The following ARHGEF3 variants were observed in gnomAD, a reference collection of about 807,000 sequenced individuals.
The protein encoded by ARHGEF3 is Rho guanine nucleotide exchange factor 3, also known as 59.8 kDA protein.
In ARHGEF3, 28 loss-of-function variants were observed where a neutral mutation model predicts 63.2. That is an observed-to-expected ratio of 0.44 (90% CI 0.33 to 0.61). ARHGEF3 has a LOEUF of 0.61. Among genes scored for constraint, ARHGEF3 ranks in the 20% least tolerant of loss-of-function variants. ARHGEF3 has a pLI of 0.03. For missense variants in ARHGEF3, 533 were observed against 659.3 expected (o/e 0.81, Z 2.10); for synonymous variants, 266 against 254.2 (o/e 1.05, Z -0.44).
At chr3:56,781,044 T>C (rs950217435) in intron 1 of ARHGEF3, among the ~76,000 whole-genome samples, 11 of 152,152 alleles carry the variant, frequency 7.2e-5, no homozygotes, top group Non-Finnish European at 1.6e-4. Context: ...TAATCACTGG[T>C]GTCCTTATAA....
intron 4 of ARHGEF3, among the ~76,000 whole-genome samples, chr3:56,827,881 G>A (rs1341318444): frequency 7.3e-6 from 1 of 137,404 alleles, no homozygotes; most frequent in East Asian, 2.1e-4. Flanking sequence ...GGAGGTCAAG[G>A]CTGCACTGAG....
chr3:56,995,619 CCGAGAGAG>C (rs1560116415), intron 2 of ARHGEF3, among the ~76,000 whole-genome samples: 1 of 57,416 alleles, frequency 1.7e-5, no homozygotes, highest in Non-Finnish European at 3.1e-5. Context: ...AGTAAATTTT[CCGAGAGAG>C]AGAGAGAGAG....
At chr3:56,767,804 T>C (rs2107816961) in intron 2 of ARHGEF3, among the ~76,000 whole-genome samples, 1 of 151,946 alleles carries the variant, frequency 6.6e-6, no homozygotes, top group Non-Finnish European at 1.5e-5. Flanking sequence ...TGGAGTGCAG[T>C]GGCATGATCT....
intron 2 of ARHGEF3, among the ~76,000 whole-genome samples, chr3:56,767,337 C>T (rs997640134): frequency 1.3e-5 from 2 of 151,776 alleles, no homozygotes; most frequent in African/African-American, 4.8e-5. Flanking sequence ...AATCCCAGCA[C>T]TTTGGGAGGC....
Position 57,067,052 on chromosome 3 carries a change from T to C in ARHGEF3, c.-28+12174A>G, listed in dbSNP as rs969857602. Among the ~76,000 whole-genome samples, 4 of 152,346 alleles carry C rather than the reference T, an allele frequency of 2.6e-5. 1 individual carries two copies. The highest frequency in any genetic ancestry group is 2.4e-5 in the African/African-American group (1 of 41,576). ...ACACCCAAAATAAGTGATTTTCCAATAGAAATTGTCTGTAAGGACCTGTAC... is the reference window on the plus strand; with the variant it reads ...ACACCCAAAATAAGTGATTTTCCAACAGAAATTGTCTGTAAGGACCTGTAC... On this transcript the variant is annotated intron_variant, in intron 1 of 12. Coordinates refer to the ARHGEF3 transcript ENST00000338458.
chr3:56,968,268 TAATATATAAAA>T (rs1700735205), intron 2 of ARHGEF3, among the ~76,000 whole-genome samples: 5 of 38,272 alleles, frequency 1.3e-4, no homozygotes, highest in Admixed American at 5.5e-4. Context: ...TTTAAATATA[TAATATATAAAA>T]TATATATAAT....
intron 4 of ARHGEF3, among the ~76,000 whole-genome samples, chr3:56,821,909 A>C (rs886177804): frequency 1.3e-5 from 2 of 151,754 alleles, no homozygotes; most frequent in Non-Finnish European, 2.9e-5. Flanking sequence ...GGTTGCAGTA[A>C]GCCAAGTCGC....
chr3:56,983,163 T>C (rs1171456545), intron 2 of ARHGEF3, among the ~76,000 whole-genome samples: 6 of 152,174 alleles, frequency 3.9e-5, no homozygotes, highest in Non-Finnish European at 7.3e-5. Flanking sequence ...TGTATATATG[T>C]ATTTATTTTT....
intron 2 of ARHGEF3, among the ~76,000 whole-genome samples, chr3:56,973,172 A>G (rs1268072235): frequency 6.6e-6 from 1 of 151,892 alleles, no homozygotes; most frequent in African/African-American, 2.4e-5. Context: ...ACCCGCCACC[A>G]CGCCCGGCTA....
intron 1 of ARHGEF3, among the ~76,000 whole-genome samples, chr3:57,061,328 G>C (rs1465194641): frequency 6.6e-6 from 1 of 151,828 alleles, no homozygotes; most frequent in Admixed American, 6.6e-5. Context: ...AATGGGGTCT[G>C]GCCCTGTCAT....
rs146827317 is a variant in ARHGEF3, at chr3:56,824,533, G to A, written c.193-50717C>T. Among the ~76,000 whole-genome samples, 84 of 152,278 alleles carry A rather than the reference G, an allele frequency of 5.5e-4. No homozygotes were observed. In the East Asian group the frequency reaches 0.013, roughly 23 times the overall value. ...CGGTCAGGCTCTACTACTTCTTTGAGGTCAGAGTGACAGGATTATGATTCA... is the reference window on the plus strand; with the variant it reads ...CGGTCAGGCTCTACTACTTCTTTGAAGTCAGAGTGACAGGATTATGATTCA... On this transcript the variant is annotated intron_variant, in intron 4 of 12. Transcript: ENST00000338458.
chr3:56,744,413 T>C (rs75161720), intron 7 of ARHGEF3, among the ~76,000 whole-genome samples: 7 of 150,850 alleles, frequency 4.6e-5, no homozygotes, highest in Non-Finnish European at 7.4e-5. Flanking sequence ...TTTTTTTTTT[T>C]TGAGACAAGA....
At chr3:56,843,143 A>T (rs1325581506) in intron 4 of ARHGEF3, among the ~76,000 whole-genome samples, 1 of 152,246 alleles carries the variant, frequency 6.6e-6, no homozygotes, top group African/African-American at 2.4e-5. Context: ...TTAGGGTGTT[A>T]TCCTTTCAGA....
At position 56,892,220 on chromosome 3, in the gene ARHGEF3, A is replaced by G. The variant is rs371578971; in HGVS notation, c.130-9866T>C. ...CAGAAAACTCATCTATCCAGGATAGAGGGCTGCCAAATATATTTTCCAGAA... is the reference window on the plus strand; with the variant it reads ...CAGAAAACTCATCTATCCAGGATAGGGGGCTGCCAAATATATTTTCCAGAA... On this transcript the variant is annotated intron_variant, in intron 3 of 12. Coordinates refer to the ARHGEF3 transcript ENST00000338458. Among the ~76,000 whole-genome samples the G allele has an allele frequency of 2.6e-5, 4 of 152,288 alleles. No individual in the cohort carries two copies. The East Asian group carries it at 5.8e-4, about 22-fold the overall frequency.
At chr3:56,838,838 T>C (rs1328162444) in intron 4 of ARHGEF3, among the ~76,000 whole-genome samples, 1 of 152,078 alleles carries the variant, frequency 6.6e-6, no homozygotes, top group African/African-American at 2.4e-5. Flanking sequence ...AACGATAATT[T>C]GTATAACCTG....
At chr3:56,762,793 G>A (rs148066455) in intron 2 of ARHGEF3, among the ~76,000 whole-genome samples, 7 of 152,266 alleles carry the variant, frequency 4.6e-5, no homozygotes, top group South Asian at 2.1e-4. Flanking sequence ...TTGCCACTGC[G>A]GTGGGTTAAA....
intron 2 of ARHGEF3, among the ~76,000 whole-genome samples, chr3:56,970,098 GT>G (rs1004706729): frequency 3.1e-4 from 47 of 152,288 alleles, no homozygotes; most frequent in African/African-American, 1.1e-3. Flanking sequence ...TGATGAAAAG[GT>G]TCTGGAATTC....
chr3:56,805,743 C>T (rs912169017), upstream of ARHGEF3, among the ~76,000 whole-genome samples: 14 of 152,174 alleles, frequency 9.2e-5, no homozygotes, highest in African/African-American at 3.1e-4. Flanking sequence ...TTCCACTATA[C>T]ATGCTAGGCA....
intron 2 of ARHGEF3, among the ~76,000 whole-genome samples, chr3:56,757,470 G>C (rs534370072): frequency 6.6e-6 from 1 of 150,864 alleles, no homozygotes; most frequent in Non-Finnish European, 1.5e-5. Context: ...GTGAGACTCC[G>C]TCTCAGAAAA....
Sources: gnomAD v4.1 joint callset for allele counts (sites outside exome capture counted in the v4.1 genomes callset) on GRCh38, gnomAD v4.1.1 for gene constraint, MANE v1.5 for transcripts, NCBI Gene and HGNC (gene_info 2026-07-23, HGNC 2026-07-21) for gene names.